The following PRR4 variants were observed in gnomAD, a reference collection of about 807,000 sequenced individuals.
PRR4 encodes the protein proline-rich protein 4.
A neutral mutation model predicts 7.6 loss-of-function variants in PRR4; 7 were observed. The ratio of observed to expected loss-of-function variants is 0.92; its 90% CI spans 0.52 to 1.73. PRR4 has a LOEUF of 1.73. PRR4 is among the 40% of genes most tolerant of loss of function. The pLI, the probability that PRR4 is intolerant of heterozygous loss-of-function variation, is 0.00. For synonymous variants in PRR4, 64 were observed against 58.5 expected, an observed-to-expected ratio of 1.09 and a Z score of -0.43; for missense variants, 187 against 161.0, an observed-to-expected ratio of 1.16 and a Z score of -0.87.
chr12:10,849,278 G>T (rs915403012), intron 1 of PRR4, 96 bp downstream of exon 1: 2 of 566,710 alleles, frequency 3.5e-6, no homozygotes, highest in African/African-American at 1.9e-5. Flanking sequence ...CTGCTCTTCC[G>T]CTGCAGTGGT....
rs1949050238 is a variant in PRR4 at position 10,848,371 on chromosome 12, C to T, written c.100+1G>A. On this transcript the variant is annotated splice_donor_variant, in intron 2 of 3. Transcript: ENST00000228811. LOFTEE classifies it high-confidence loss of function. ...TTGGATTGAGGATCATTGGGATTTA[C>T]CTGGTATGGTGAAAGTAAAGTCTTC... 3 of 1,607,782 alleles carry T rather than the reference C, an allele frequency of 1.9e-6. No homozygotes were observed. In the South Asian group the frequency reaches 3.3e-5, roughly 18 times the overall value.
intron 3 of PRR4, among the ~76,000 whole-genome samples, chr12:10,846,574 T>C (rs1949020223): frequency 6.6e-6 from 1 of 152,152 alleles, no homozygotes; most frequent in African/African-American, 2.4e-5. Flanking sequence ...AATAAGTATT[T>C]TAAAAATTAA....
intron 1 of PRR4, 26 bp from the exon 2 acceptor site, chr12:10,848,433 T>C: frequency 1.2e-6 from 2 of 1,607,822 alleles, no homozygotes; most frequent in South Asian, 1.1e-5. Context: ...CAGGATGAAG[T>C]GAACATTACC....
In PRR4 at chr12:10,845,957, CAAA is replaced by C; in HGVS notation, c.*19-10_*19-8del. ...TTATCTTCTTATTTATTTTCTGAAACAAAAAAAAAAACCAAGGAAATTTATACA... is the reference window on the plus strand; with the variant it reads ...TTATCTTCTTATTTATTTTCTGAAACAAAAAAAACCAAGGAAATTTATACA... On this transcript the variant is annotated splice_region_variant and splice_polypyrimidine_tract_variant and intron_variant, in intron 3 of 3. Coordinates refer to ENST00000228811, the MANE Select transcript of PRR4 (RefSeq NM_007244.3). The C allele has an allele frequency of 2.9e-6, 3 of 1,038,704 alleles. No individual in the cohort carries two copies. The highest frequency in any genetic ancestry group is 2.4e-5 in the South Asian group (1 of 41,676). The allele number at this position is 1,038,704 out of a possible 1,614,324, so 64.3% of individuals were successfully genotyped here. A position where few individuals can be genotyped will look rare whatever the true frequency, so the allele number is the denominator to read the frequency against.
chr12:10,848,873 T>C (rs1949058396), intron 1 of PRR4: 1 of 159,456 alleles, frequency 6.3e-6, no homozygotes, highest in Non-Finnish European at 1.4e-5. Context: ...GGACCTGATA[T>C]TTCTATACCA....
At chr12:10,846,869 A>T (rs953468503) in intron 3 of PRR4, 176 bp downstream of exon 3, 3 of 554,122 alleles carry the variant, frequency 5.4e-6, no homozygotes, top group Non-Finnish European at 8.5e-6. Flanking sequence ...TCTTTGAACC[A>T]CTTGTTAAAA....
In PRR4 at chr12:10,847,228, G is replaced by T; in HGVS notation, c.240C>A (p.His80Gln). The T allele has an allele frequency of 6.2e-7, 1 of 1,613,874 alleles. No individual in the cohort carries two copies. Among genetic ancestry groups the T allele is most frequent in the Non-Finnish European group, 8.5e-7 (1 of 1,179,884 alleles). Residue 80 changes from histidine (H) to glutamine (Q), a missense_variant, in exon 3 of 4, where the codon CAC (histidine) becomes CAA (glutamine). Physicochemically the swap from His to Gln is conservative, Grantham distance 24. Coordinates refer to ENST00000228811, the MANE Select transcript of PRR4 (RefSeq NM_007244.3). ...GAAAAGGAGGTGGGGGAGGATGGCG[G>T]TGATGGCCTCCTGGTTTTGGTGGTC... is the stretch of plus-strand genomic sequence containing the variant. ...QQRPPKPGGH[H>Q]RHPPPPPFQN...
At chr12:10,846,924 C>A in intron 3 of PRR4, 121 bp downstream of exon 3, 1 of 906,426 alleles carries the variant, frequency 1.1e-6, no homozygotes, top group Non-Finnish European at 1.6e-6. Flanking sequence ...GAATACAAAT[C>A]TTTAGAAATG....
Position 10,847,154 on chromosome 12 carries a change from G to T in PRR4, c.314C>A (p.Pro105His), listed in dbSNP as rs563409901. 3.1e-6 allele frequency: 5 copies of T among 1,613,688 alleles called. No individual in the cohort carries two copies. Among genetic ancestry groups the T allele is most frequent in the East Asian group, 4.5e-5 (2 of 44,872 alleles). The change falls in exon 3 of 4, where the codon CCC becomes CAC. Residue 105 changes from proline to histidine, a missense_variant. By Grantham distance (77) the Pro-to-His change is moderately conservative (BLOSUM62 -2). Coordinates refer to ENST00000228811, the MANE Select transcript of PRR4 (RefSeq NM_007244.3). ...CTGCAGGCTGACAGAAGGAAATCGG[G>T]GTAGAGAGAGTTGACGGTGTCCTCG... Reference protein sequence around the residue: ...PRRGHRQLSLPRFPSVSLQEA... With the variant: ...PRRGHRQLSLHRFPSVSLQEA...
chr12:10,848,545 C>G (rs1369191122), intron 1 of PRR4, 138 bp from the exon 2 acceptor site: 28 of 698,114 alleles, frequency 4.0e-5, no homozygotes, highest in Non-Finnish European at 5.8e-5. Context: ...TTCTGTGAAG[C>G]TGCTGGAAGG....
In PRR4 at chr12:10,849,335, C is replaced by A. The variant is rs748462894; in HGVS notation, c.64+39G>T. On this transcript the variant is annotated intron_variant, in intron 1 of 3. Coordinates refer to ENST00000228811, the MANE Select transcript of PRR4 (RefSeq NM_007244.3). ...CTAGAAGAGTCATGGCCCCTCATCC[C>A]ACTCCCCATCTCCTTTTTTAAAAAA... The A allele has an allele frequency of 2.2e-6, 3 of 1,389,148 alleles. No individual in the cohort carries two copies. In the Admixed American group the frequency reaches 6.3e-5, roughly 29 times the overall value. 86.1% of individuals were successfully genotyped at this position (1,389,148 alleles called of 1,614,324 possible).
rs760997636 is a variant in PRR4 at position 10,847,160 on chromosome 12, G to C, written c.308C>G (p.Ser103Cys). 2 of 1,613,784 alleles carry C rather than the reference G, an allele frequency of 1.2e-6. No homozygotes were observed. Among genetic ancestry groups the C allele is most frequent in the East Asian group, 4.5e-5 (2 of 44,882 alleles). Residue 103 changes from serine to cysteine, a missense_variant, in exon 3 of 4, where the codon TCT becomes TGT. Ser to Cys is a moderately radical substitution (Grantham distance 112, BLOSUM62 -1). Transcript: ENST00000228811. ...RPPRRGHRQLSLPRFPSVSLQ... is the reference protein window; with the variant it reads ...RPPRRGHRQLCLPRFPSVSLQ... ...GCTGACAGAAGGAAATCGGGGTAGA[G>C]AGAGTTGACGGTGTCCTCGTCGGGG... is the stretch of plus-strand genomic sequence containing the variant.
In PRR4 at chr12:10,846,984, C is replaced by T. The variant is rs552682608; in HGVS notation, c.*18+61G>A. On this transcript the variant is annotated intron_variant, in intron 3 of 3. Coordinates refer to ENST00000228811, the MANE Select transcript of PRR4 (RefSeq NM_007244.3). ...CATATTTCCAATTGATTTGTGAACA[C>T]GATAAAGTTTGGGAATGGTAGCAGT... is the stretch of plus-strand genomic sequence containing the variant. 708 of 1,369,132 alleles carry T rather than the reference C, an allele frequency of 5.2e-4. 1 individual carries two copies. The highest frequency in any genetic ancestry group is 2.5e-3 in the African/African-American group (171 of 69,380). 84.8% of individuals were successfully genotyped at this position (1,369,132 alleles called of 1,614,324 possible).
intron 1 of PRR4, chr12:10,848,740 G>C (rs532905066): frequency 3.8e-6 from 1 of 263,408 alleles, no homozygotes; most frequent in African/African-American, 2.2e-5. Context: ...TAAATATTTT[G>C]ATCATATTCA....
In PRR4 at chr12:10,849,292, G is replaced by A. The variant is rs1373133442; in HGVS notation, c.64+82C>T. 5 of 787,416 alleles carry A rather than the reference G, an allele frequency of 6.3e-6. No homozygotes were observed. The African/African-American group carries it at 7.0e-5, about 11-fold the overall frequency. 48.8% of individuals were successfully genotyped at this position (787,416 alleles called of 1,614,324 possible). A position where few individuals can be genotyped will look rare whatever the true frequency, so the allele number is the denominator to read the frequency against. On this transcript the variant is annotated intron_variant, in intron 1 of 3. Transcript: ENST00000228811. The stretch of plus-strand genomic sequence containing the variant: ...CCTGCTCTTCCGCTGCAGTGGTGTA[G>A]GGTGAACCCCTGAGGCCCTAGAAGA...
rs1949009619 is a variant in PRR4 at position 10,845,858 on chromosome 12, A to C, written c.*111T>G. ...AAGCAACAATCAGAAATTGCATGCT[A>C]TTAATATTTTATTGGTATACTGAAG... On this transcript the variant is annotated 3_prime_UTR_variant, in exon 4 of 4. Transcript: ENST00000228811. 9.9e-7 allele frequency: 1 copy of C among 1,014,950 alleles called. No individual in the cohort carries two copies. Among genetic ancestry groups the C allele is most frequent in the African/African-American group, 1.7e-5 (1 of 60,532 alleles). The allele number at this position is 1,014,950 out of a possible 1,614,324, so 62.9% of individuals were successfully genotyped here. A position where few individuals can be genotyped will look rare whatever the true frequency, so the allele number is the denominator to read the frequency against.
rs1466723533 is a variant in PRR4, at chr12:10,849,324, G to C, written c.64+50C>G. 8 of 1,234,436 alleles carry C rather than the reference G, an allele frequency of 6.5e-6. No individual in the cohort carries two copies. In the East Asian group the frequency reaches 2.1e-4, roughly 32 times the overall value. The allele number at this position is 1,234,436 out of a possible 1,614,324, so 76.5% of individuals were successfully genotyped here. Reference sequence around the variant, plus strand: ...CCCCTGAGGCCCTAGAAGAGTCATGGCCCCTCATCCCACTCCCCATCTCCT... The same window carrying C: ...CCCCTGAGGCCCTAGAAGAGTCATGCCCCCTCATCCCACTCCCCATCTCCT... On this transcript the variant is annotated intron_variant, in intron 1 of 3. Transcript: ENST00000228811.
intron 3 of PRR4, 45 bp downstream of exon 3, chr12:10,847,000 T>C (rs541175498): frequency 1.4e-6 from 2 of 1,441,540 alleles, no homozygotes; most frequent in South Asian, 1.5e-5. Flanking sequence ...AGTTTGGGAA[T>C]GGTAGCAGTT....
chr12:10,847,387 A>C lies in PRR4; in HGVS notation c.101-20T>G. The C allele has an allele frequency of 6.9e-7, 1 of 1,456,660 alleles. No individual in the cohort carries two copies. The highest frequency in any genetic ancestry group is 2.3e-5 in the East Asian group (1 of 43,036). 90.2% of individuals were successfully genotyped at this position (1,456,660 alleles called of 1,614,324 possible). On this transcript the variant is annotated intron_variant, in intron 2 of 3. Transcript: ENST00000228811. ...CTACATCTGTGTGAGTAATTAATGG[A>C]CAAGAATGCATGAGCTCAGTGAAGA...
Sources: gnomAD v4.1 joint callset for allele counts (sites outside exome capture counted in the v4.1 genomes callset) on GRCh38, gnomAD v4.1.1 for gene constraint, MANE v1.5 for transcripts, NCBI Gene and HGNC (gene_info 2026-07-23, HGNC 2026-07-21) for gene names.